Variants in MYO9A observed in about 807,000 individuals in gnomAD.
MYO9A encodes the protein unconventional myosin-IXa.
MYO9A carries 103 observed loss-of-function variants against 293.3 expected under a neutral mutation model. The observed-to-expected ratio is 0.35, with a 90% CI of 0.30 to 0.41. The LOEUF (loss-of-function observed/expected upper bound fraction) is 0.41. Ranked by LOEUF, MYO9A falls within the 10% of genes least tolerant of loss-of-function variation. The pLI is 1.00. For synonymous variants in MYO9A, 1,001 were observed against 1,035.7 expected, an observed-to-expected ratio of 0.97 and a Z score of 0.64; for missense variants, 2,685 against 3,033.0, an observed-to-expected ratio of 0.89 and a Z score of 2.69.
intron 10 of MYO9A, among the ~76,000 whole-genome samples, chr15:71,991,985 G>C (rs1224960286): frequency 6.6e-5 from 10 of 152,050 alleles, no homozygotes; most frequent in Non-Finnish European, 1.5e-4. Flanking sequence ...AAACTCCTGA[G>C]TGCAGGTGAT....
At chr15:72,037,042 CT>C (rs1555410191) in intron 2 of MYO9A, among the ~76,000 whole-genome samples, 35 of 147,468 alleles carry the variant, frequency 2.4e-4, no homozygotes, top group South Asian at 2.1e-4. Context: ...CCTCATCCTA[CT>C]TTTTTTTTTG....
intron 32 of MYO9A, among the ~76,000 whole-genome samples, chr15:71,866,818 G>A (rs2056341978): frequency 6.6e-6 from 1 of 152,104 alleles, no homozygotes. Flanking sequence ...CAGAACTTTG[G>A]GACGCCGAGG....
intron 9 of MYO9A, 66 bp from the exon 10 acceptor site, chr15:71,994,651 GT>G: frequency 3.5e-6 from 3 of 858,516 alleles, no homozygotes; most frequent in Non-Finnish European, 5.3e-6. Context: ...TGACAAAGTT[GT>G]TTGCTCCCAT....
chr15:71,935,764 T>A (rs932570882), intron 16 of MYO9A, among the ~76,000 whole-genome samples: 1 of 152,122 alleles, frequency 6.6e-6, no homozygotes, highest in Non-Finnish European at 1.5e-5. Context: ...ATTCAACAAC[T>A]AGTAACTAAT....
At chr15:71,863,473 G>A (rs2056220648) in intron 32 of MYO9A, among the ~76,000 whole-genome samples, 1 of 151,682 alleles carries the variant, frequency 6.6e-6, no homozygotes, top group Admixed American at 6.6e-5. Flanking sequence ...AAAAAATAGT[G>A]GCAAAAGGGG....
chr15:71,898,521 G>T lies in MYO9A; in HGVS notation c.3982C>A (p.Gln1328Lys), dbSNP rs1449203828. The T allele has an allele frequency of 1.9e-6, 3 of 1,613,728 alleles. No homozygotes were observed. The highest frequency in any genetic ancestry group is 2.5e-6 in the Non-Finnish European group (3 of 1,179,994). ...TAGCTCAGAAGTTCCAAGCTTCCTT[G>T]AGAGCTCTCACTATCAGGTGTACCC... ...PRGTPDSESS[Q>K]GSLELLSYEE... is the part of the protein sequence containing the mutation. Residue 1328 changes from glutamine to lysine, a missense_variant, in exon 25 of 42, where the codon CAA becomes AAA. By Grantham distance (53) the Gln-to-Lys change is moderately conservative (BLOSUM62 1). Around this residue, in one of 10 missense-constraint regions of MYO9A, gnomAD observed 1,434 missense variants for 1,497.7 expected, o/e 0.96. Transcript: ENST00000356056.
At chr15:72,082,883 C>A (rs2079593872) in intron 1 of MYO9A, among the ~76,000 whole-genome samples, 1 of 149,302 alleles carries the variant, frequency 6.7e-6, no homozygotes, top group South Asian at 2.2e-4. Context: ...CCTACTAGAT[C>A]ATGGTGGGTA....
intron 1 of MYO9A, among the ~76,000 whole-genome samples, chr15:72,088,083 C>CA (rs1209706029): frequency 6.6e-6 from 1 of 151,926 alleles, no homozygotes; most frequent in Non-Finnish European, 1.5e-5. Flanking sequence ...ACCAGCAAGC[C>CA]AAAAAAAGAG....
At chr15:72,110,781 G>C (rs2151115747) in intron 1 of MYO9A, among the ~76,000 whole-genome samples, 1 of 152,256 alleles carries the variant, frequency 6.6e-6, no homozygotes, top group South Asian at 2.1e-4. Context: ...ACAACTAGTA[G>C]ACAGACTGCC....
intron 31 of MYO9A, among the ~76,000 whole-genome samples, chr15:71,876,067 T>C (rs2142273175): frequency 6.6e-6 from 1 of 152,260 alleles, no homozygotes; most frequent in East Asian, 1.9e-4. Context: ...CTTTAGAGAT[T>C]ATTCTTTTTT....
chr15:71,959,174 A>C (rs2059268842), intron 14 of MYO9A: 2 of 152,218 alleles, frequency 1.3e-5, no homozygotes, highest in Admixed American at 6.5e-5. Flanking sequence ...ATACATCTAC[A>C]AAGACCAGTT....
chr15:72,118,227 G>A, upstream of MYO9A: 2 of 346,628 alleles, frequency 5.8e-6, no homozygotes, highest in Non-Finnish European at 5.2e-6. Context: ...CGCCACTGGA[G>A]AGTACAGCGT....
chr15:72,031,720 TA>T (rs1437863032), intron 3 of MYO9A, among the ~76,000 whole-genome samples: 1 of 151,172 alleles, frequency 6.6e-6, no homozygotes, highest in Non-Finnish European at 1.5e-5. Flanking sequence ...ACCACTGCTC[TA>T]AAAAATAGTC....
In MYO9A at chr15:72,020,899, G is replaced by C. The variant is rs758240194; in HGVS notation, c.1098+19C>G. ...TTAATACTGCCCTATACTTCAAAATGCTTTTTATGAACTCTCACCTGATTG... is the reference window on the plus strand; with the variant it reads ...TTAATACTGCCCTATACTTCAAAATCCTTTTTATGAACTCTCACCTGATTG... On this transcript the variant is annotated intron_variant, in intron 5 of 41. Coordinates refer to ENST00000356056, the MANE Select transcript of MYO9A (RefSeq NM_006901.4). The C allele has an allele frequency of 7.0e-7, 1 of 1,434,868 alleles. No homozygotes were observed. The highest frequency in any genetic ancestry group is 2.7e-5 in the Admixed American group (1 of 36,674). The allele number at this position is 1,434,868 out of a possible 1,614,324, so 88.9% of individuals were successfully genotyped here.
chr15:71,934,690 TCCTTGGCTCAACTG>T (rs1283444905), intron 17 of MYO9A, among the ~76,000 whole-genome samples: 1 of 151,566 alleles, frequency 6.6e-6, no homozygotes, highest in Non-Finnish European at 1.5e-5. Context: ...AGCCTCAACT[TCCTTGGCTCAACTG>T]ATCCTCCTAC....
intron 1 of MYO9A, among the ~76,000 whole-genome samples, chr15:72,081,368 G>T (rs747075895): frequency 1.2e-4 from 19 of 152,150 alleles, no homozygotes; most frequent in Non-Finnish European, 2.5e-4. Context: ...GTCTTCATTT[G>T]AAAAGTGTGT....
At chr15:72,041,877 T>TAA (rs757220384) in intron 2 of MYO9A, among the ~76,000 whole-genome samples, 10 of 136,370 alleles carry the variant, frequency 7.3e-5, no homozygotes, top group African/African-American at 1.9e-4. Context: ...CAAAGCTTAC[T>TAA]AAAAAAAAAA....
At chr15:71,902,225 A>C (rs539160772) in intron 22 of MYO9A, among the ~76,000 whole-genome samples, 1 of 152,180 alleles carries the variant, frequency 6.6e-6, no homozygotes, top group Admixed American at 6.5e-5. Context: ...AAAAGATATT[A>C]AGTAATGTGA....
chr15:71,990,274 AG>A (rs2076506439), intron 11 of MYO9A, among the ~76,000 whole-genome samples: 1 of 151,790 alleles, frequency 6.6e-6, no homozygotes, highest in African/African-American at 2.4e-5. Context: ...TTGTACAGAC[AG>A]GGTTTCGCCA....
Sources: allele counts gnomAD v4.1 joint callset (sites outside exome capture counted in the v4.1 genomes callset), GRCh38; gene constraint gnomAD v4.1.1; regional missense constraint gnomAD v4.1.1; transcripts MANE v1.5; gene names NCBI Gene and HGNC (gene_info 2026-07-23, HGNC 2026-07-21).